RAPGEF6: variants seen among roughly 807,000 people sequenced by gnomAD.
The protein encoded by RAPGEF6 is Rap guanine nucleotide exchange factor 6, also known as PDZ domain containing guanine nucleotide exchange factor (GEF) 2.
A neutral mutation model predicts 171.4 loss-of-function variants in RAPGEF6; 56 were observed. The observed-to-expected ratio is 0.33, with a 90% CI of 0.26 to 0.41. The LOEUF is 0.41. RAPGEF6 is among the 10% of genes least tolerant of loss of function. The probability of loss-of-function intolerance (pLI) is 1.00; values close to 1 mark genes in which losing one functional copy is unlikely to be tolerated. For synonymous variants in RAPGEF6, 692 were observed against 650.1 expected, an observed-to-expected ratio of 1.06 and a Z score of -0.98; for missense variants, 1,674 against 1,921.4, an observed-to-expected ratio of 0.87 and a Z score of 2.41.
At chr5:131,476,681 G>A (rs533034352) in intron 16 of RAPGEF6, among the ~76,000 whole-genome samples, 11 of 152,112 alleles carry the variant, frequency 7.2e-5, no homozygotes, top group South Asian at 2.1e-4. Flanking sequence ...ACAGGTGTAC[G>A]CCACCATGTC....
At chr5:131,446,282 C>T (rs1752682637) in intron 22 of RAPGEF6, among the ~76,000 whole-genome samples, 1 of 149,008 alleles carries the variant, frequency 6.7e-6, no homozygotes. Context: ...TCTACTTATC[C>T]CTCTATTTTT....
Position 131,430,844 on chromosome 5 carries a change from A to G in RAPGEF6, c.4465+15T>C, listed in dbSNP as rs2149804913. 6.3e-7 allele frequency: 1 copy of G among 1,585,426 alleles called. No homozygotes were observed. Among genetic ancestry groups the G allele is most frequent in the East Asian group, 2.2e-5 (1 of 44,718 alleles). On this transcript the variant is annotated intron_variant, in intron 26 of 27. Transcript: ENST00000509018. Reference sequence around the variant, plus strand: ...TTAATCTCTAAATGCCACAGACAACAAAAACACAACTTACCAATCAAGCCC... The same window carrying G: ...TTAATCTCTAAATGCCACAGACAACGAAAACACAACTTACCAATCAAGCCC...
intron 7 of RAPGEF6, among the ~76,000 whole-genome samples, chr5:131,516,503 C>T (rs530413281): frequency 1.3e-4 from 20 of 152,220 alleles, no homozygotes; most frequent in African/African-American, 4.8e-4. Flanking sequence ...GAGGTGGTAA[C>T]TGAAGTCTTG....
intron 24 of RAPGEF6, among the ~76,000 whole-genome samples, chr5:131,436,854 A>AGATCAACAG: frequency 6.6e-6 from 1 of 152,350 alleles, no homozygotes; most frequent in Middle Eastern, 3.4e-3. Flanking sequence ...ATCCTGTTGT[A>AGATCAACAG]GATCCAAGGT....
chr5:131,445,992 C>T (rs942340920), intron 22 of RAPGEF6, among the ~76,000 whole-genome samples: 2 of 152,038 alleles, frequency 1.3e-5, no homozygotes, highest in South Asian at 4.1e-4. Context: ...ATTGAGAACA[C>T]GATCTTTTCC....
intron 4 of RAPGEF6, among the ~76,000 whole-genome samples, chr5:131,588,571 C>T (rs1561586423): frequency 6.6e-6 from 1 of 151,602 alleles, no homozygotes; most frequent in Non-Finnish European, 1.5e-5. Context: ...GGTGAAACCT[C>T]ATCTCTACTA....
At chr5:131,476,512 T>G (rs1226316339) in intron 16 of RAPGEF6, among the ~76,000 whole-genome samples, 1 of 152,142 alleles carries the variant, frequency 6.6e-6, no homozygotes, top group African/African-American at 2.4e-5. Flanking sequence ...CAGGCTGCAG[T>G]GCAGTGGCAC....
intron 15 of RAPGEF6, among the ~76,000 whole-genome samples, chr5:131,485,836 T>C (rs1755848248): frequency 6.6e-6 from 1 of 152,214 alleles, no homozygotes; most frequent in African/African-American, 2.4e-5. Context: ...ACATAAAAGA[T>C]AGCAAACTTA....
At chr5:131,596,821 C>T (rs1452715898) in intron 3 of RAPGEF6, among the ~76,000 whole-genome samples, 1 of 152,164 alleles carries the variant, frequency 6.6e-6, no homozygotes, top group Non-Finnish European at 1.5e-5. Context: ...CTATACAACA[C>T]TGTGCTAGGC....
chr5:131,564,481 A>G (rs759677302), intron 4 of RAPGEF6, among the ~76,000 whole-genome samples: 26 of 152,254 alleles, frequency 1.7e-4, no homozygotes, highest in Non-Finnish European at 2.9e-4. Context: ...TTTAAAAGAT[A>G]AAGCTCAGAA....
chr5:131,508,079 C>CA lies in RAPGEF6; in HGVS notation c.933dup (p.Gly312TrpfsTer5). ...TTTATTTATTGACCTACCTCTTGCCCATCTTCAAGAATAATAGCTCCAGCC... is the reference window on the plus strand; with the variant it reads ...TTTATTTATTGACCTACCTCTTGCCCAATCTTCAAGAATAATAGCTCCAGCC... On this transcript the variant is annotated frameshift_variant, in exon 9 of 28. Transcript: ENST00000509018. LOFTEE classifies it high-confidence loss of function. The CA allele has an allele frequency of 6.2e-7, 1 of 1,600,402 alleles. No individual in the cohort carries two copies. Among genetic ancestry groups the CA allele is most frequent in the Non-Finnish European group, 8.5e-7 (1 of 1,173,518 alleles).
chr5:131,448,465 TA>T (rs1752860202), intron 21 of RAPGEF6, among the ~76,000 whole-genome samples: 2 of 152,298 alleles, frequency 1.3e-5, no homozygotes, highest in Admixed American at 6.5e-5. Flanking sequence ...TCCTTAGTAG[TA>T]GATAAAATAA....
chr5:131,464,001 A>G, intron 18 of RAPGEF6, 40 bp downstream of exon 18: 1 of 1,522,320 alleles, frequency 6.6e-7, no homozygotes, highest in East Asian at 2.3e-5. Context: ...CTTCAAAAGC[A>G]CATCTACAAA....
At chr5:131,557,256 C>T (rs1351525782) in intron 5 of RAPGEF6, among the ~76,000 whole-genome samples, 1 of 151,928 alleles carries the variant, frequency 6.6e-6, no homozygotes, top group Non-Finnish European at 1.5e-5. Context: ...TTAAAAAGAT[C>T]TAAAAACAAC....
chr5:131,484,246 G>C (rs1425325987), intron 15 of RAPGEF6, among the ~76,000 whole-genome samples: 3 of 11,214 alleles, frequency 2.7e-4, no homozygotes, highest in African/African-American at 1.4e-3. Flanking sequence ...TTTTTTTTTT[G>C]AGACAGAGTC....
At chr5:131,589,915 G>C (rs1272509915) in intron 4 of RAPGEF6, among the ~76,000 whole-genome samples, 1 of 152,166 alleles carries the variant, frequency 6.6e-6, no homozygotes, top group Non-Finnish European at 1.5e-5. Context: ...GAGCAACCCA[G>C]TGAATGTCTC....
chr5:131,581,017 G>A (rs1205425531), intron 4 of RAPGEF6, among the ~76,000 whole-genome samples: 2 of 152,090 alleles, frequency 1.3e-5, no homozygotes, highest in African/African-American at 4.8e-5. Context: ...TACCAGACTT[G>A]GAACTGGAAT....
chr5:131,490,731 T>G (rs1397754891), intron 14 of RAPGEF6, among the ~76,000 whole-genome samples: 1 of 152,194 alleles, frequency 6.6e-6, no homozygotes, highest in Non-Finnish European at 1.5e-5. Flanking sequence ...CATATAATAC[T>G]GTATCACCCA....
intron 5 of RAPGEF6, among the ~76,000 whole-genome samples, chr5:131,551,565 A>T (rs1760929647): frequency 6.6e-6 from 1 of 152,002 alleles, no homozygotes; most frequent in African/African-American, 2.4e-5. Flanking sequence ...CAGGACTCAA[A>T]ACCCAAGTGT....
Sources: gnomAD v4.1 joint callset for allele counts (sites outside exome capture counted in the v4.1 genomes callset) on GRCh38, gnomAD v4.1.1 for gene constraint, MANE v1.5 for transcripts, NCBI Gene and HGNC (gene_info 2026-07-23, HGNC 2026-07-21) for gene names.